The following SAMD4A variants were observed in gnomAD, a reference collection of about 807,000 sequenced individuals.
The protein encoded by SAMD4A is protein Smaug homolog 1.
In SAMD4A, 33 loss-of-function variants were observed where a neutral mutation model predicts 81.3. The ratio of observed to expected loss-of-function variants is 0.41; its 90% CI spans 0.31 to 0.54. The LOEUF is 0.54. Ranked by LOEUF, SAMD4A falls within the 20% of genes least tolerant of loss-of-function variation. The pLI is 0.37. For missense variants in SAMD4A, 854 were observed against 951.1 expected (o/e 0.90, Z 1.34); for synonymous variants, 389 against 382.1 (o/e 1.02, Z -0.21).
Position 54,567,624 on chromosome 14 carries a change from G to A in SAMD4A, c.-293G>A. On this transcript the variant is annotated 5_prime_UTR_variant, in exon 2 of 13. Transcript: ENST00000554335. ...GGGGGGAGAAAGCATTCTTCATTCA[G>A]TTGTGTGCCTTGTGGGGGATTTTTA... The A allele has an allele frequency of 4.7e-6, 2 of 429,330 alleles. No homozygotes were observed. The highest frequency in any genetic ancestry group is 5.7e-5 in the South Asian group (2 of 35,330). 26.6% of individuals were successfully genotyped at this position (429,330 alleles called of 1,614,324 possible).
chr14:54,710,079 G>T (rs1402428001), intron 3 of SAMD4A, among the ~76,000 whole-genome samples: 1 of 152,122 alleles, frequency 6.6e-6, no homozygotes, highest in Admixed American at 6.5e-5. Context: ...TTGACATTTG[G>T]ATTTGAAAGC....
chr14:54,587,679 T>C lies in SAMD4A; in HGVS notation c.196+19567T>C, dbSNP rs143154837. On this transcript the variant is annotated intron_variant, in intron 2 of 12. Transcript: ENST00000554335. ...TTTGTTTTTAATTCTGCTTATGTGG[T>C]ATATCACATTTATGGACTTACATAT... is the stretch of plus-strand genomic sequence containing the variant. Among the ~76,000 whole-genome samples the C allele has an allele frequency of 7.2e-5, 11 of 152,344 alleles. No individual in the cohort carries two copies. In the East Asian group the frequency reaches 1.9e-3, roughly 27 times the overall value.
chr14:54,672,520 G>C (rs914610249), intron 2 of SAMD4A, among the ~76,000 whole-genome samples: 1 of 152,164 alleles, frequency 6.6e-6, no homozygotes, highest in Admixed American at 6.5e-5. Flanking sequence ...CTGAGAGGGT[G>C]CCCTGTCATC....
At chr14:54,732,915 T>C (rs2037594187) in intron 3 of SAMD4A, among the ~76,000 whole-genome samples, 1 of 152,140 alleles carries the variant, frequency 6.6e-6, no homozygotes, top group Non-Finnish European at 1.5e-5. Context: ...CTTATTTCAA[T>C]AAATAAAATC....
intron 2 of SAMD4A, among the ~76,000 whole-genome samples, chr14:54,613,137 A>AGAGAAAGG (rs1555336310): frequency 6.9e-6 from 1 of 144,526 alleles, no homozygotes; most frequent in African/African-American, 2.6e-5. Flanking sequence ...AGAGAGAGAG[A>AGAGAAAGG]AAGGAAGGAA....
intron 2 of SAMD4A, among the ~76,000 whole-genome samples, chr14:54,669,177 A>C (rs1384647334): frequency 6.6e-6 from 1 of 152,138 alleles, no homozygotes; most frequent in African/African-American, 2.4e-5. Flanking sequence ...CTTGACCCAC[A>C]TTTTCTCCCT....
rs1487640196 is a variant in SAMD4A, at chr14:54,789,664, T to C, written c.*720T>C. The stretch of plus-strand genomic sequence containing the variant: ...CTGTTGTTGTTACGGATTCATTTTT[T>C]CCCTCTATTTTTATAAGAGCAGCAG... On this transcript the variant is annotated 3_prime_UTR_variant, in exon 13 of 13. Coordinates refer to ENST00000554335, the MANE Select transcript of SAMD4A (RefSeq NM_015589.6). 3 of 152,260 alleles carry C rather than the reference T, an allele frequency of 2.0e-5. No individual in the cohort carries two copies. The highest frequency in any genetic ancestry group is 7.2e-5 in the African/African-American group (3 of 41,468). The allele number at this position is 152,260 out of a possible 1,614,324, so 9.4% of individuals were successfully genotyped here. A position where few individuals can be genotyped will look rare whatever the true frequency, so the allele number is the denominator to read the frequency against.
chr14:54,617,832 A>C (rs1452246960), intron 2 of SAMD4A, among the ~76,000 whole-genome samples: 1 of 152,168 alleles, frequency 6.6e-6, no homozygotes, highest in Admixed American at 6.5e-5. Context: ...ATTTCTTGAA[A>C]GTTGGGTGCC....
chr14:54,566,082 T>C (rs1236745820), upstream of SAMD4A, among the ~76,000 whole-genome samples: 1 of 151,732 alleles, frequency 6.6e-6, no homozygotes, highest in East Asian at 1.9e-4. Flanking sequence ...ATCAGTAGCA[T>C]GTGGGGAGCT....
At chr14:54,684,617 C>CCCCCCCCCCG (rs2036210738) in intron 2 of SAMD4A, among the ~76,000 whole-genome samples, 76 of 134,340 alleles carry the variant, frequency 5.7e-4, no homozygotes, top group Non-Finnish European at 1.0e-3. Flanking sequence ...CCCCCGCCCC[C>CCCCCCCCCCG]CCCCCCAACC....
At chr14:54,593,157 A>C (rs2033823887) in intron 2 of SAMD4A, among the ~76,000 whole-genome samples, 1 of 152,174 alleles carries the variant, frequency 6.6e-6, no homozygotes, top group Non-Finnish European at 1.5e-5. Context: ...TGTTTGGATA[A>C]TATATATGTT....
At chr14:54,741,300 T>A (rs146271521) in intron 4 of SAMD4A, among the ~76,000 whole-genome samples, 2,359 of 152,298 alleles carry the variant, frequency 0.015, 34 homozygotes, top group Middle Eastern at 0.092. Context: ...AGAGAAAGTA[T>A]AGAAGTCATT....
At chr14:54,708,871 G>A (rs992753282) in intron 3 of SAMD4A, among the ~76,000 whole-genome samples, 8 of 152,204 alleles carry the variant, frequency 5.3e-5, no homozygotes, top group Non-Finnish European at 1.2e-4. Flanking sequence ...TGACTCCAAA[G>A]AGATTGGAGG....
chr14:54,568,692 TATATATA>T (rs2033030382), intron 2 of SAMD4A, among the ~76,000 whole-genome samples: 2 of 290 alleles, frequency 6.9e-3, no homozygotes, highest in African/African-American at 0.02. Context: ...ATTTGCAGCA[TATATATA>T]TATATATATA....
chr14:54,695,201 T>G (rs963785816), intron 2 of SAMD4A, among the ~76,000 whole-genome samples: 18 of 152,202 alleles, frequency 1.2e-4, no homozygotes, highest in African/African-American at 3.9e-4. Flanking sequence ...CCCTAAAACT[T>G]AATGACTTAA....
chr14:54,706,991 G>A (rs1212414586), intron 3 of SAMD4A, among the ~76,000 whole-genome samples: 1 of 152,068 alleles, frequency 6.6e-6, no homozygotes, highest in African/African-American at 2.4e-5. Context: ...AAGTTTTGAA[G>A]TAATAAAAGT....
intron 2 of SAMD4A, among the ~76,000 whole-genome samples, chr14:54,593,385 C>T (rs1357955233): frequency 6.6e-6 from 1 of 152,046 alleles, no homozygotes; most frequent in Non-Finnish European, 1.5e-5. Flanking sequence ...TTGTCATTTT[C>T]TTTTCTCCAT....
At chr14:54,603,990 A>G (rs1292555944) in intron 2 of SAMD4A, among the ~76,000 whole-genome samples, 1 of 151,864 alleles carries the variant, frequency 6.6e-6, no homozygotes, top group Non-Finnish European at 1.5e-5. Flanking sequence ...ATGCCCGGCT[A>G]ATTTTTGTAT....
intron 11 of SAMD4A, among the ~76,000 whole-genome samples, chr14:54,782,833 A>C (rs2039032430): frequency 6.6e-6 from 1 of 152,228 alleles, no homozygotes; most frequent in Non-Finnish European, 1.5e-5. Context: ...CATTGGTTTC[A>C]GCTTCCTATC....
Sources: gnomAD v4.1 joint callset for allele counts (sites outside exome capture counted in the v4.1 genomes callset) on GRCh38, gnomAD v4.1.1 for gene constraint, MANE v1.5 for transcripts, NCBI Gene and HGNC (gene_info 2026-07-23, HGNC 2026-07-21) for gene names.